SH3BGR: variants seen among roughly 807,000 people sequenced by gnomAD.
SH3BGR encodes the protein SH3 domain binding glutamate rich protein, also known as SH3 domain-binding glutamic acid-rich protein.
A neutral mutation model predicts 24.5 loss-of-function variants in SH3BGR; 29 were observed. That is an observed-to-expected ratio of 1.18 (90% confidence interval 0.88 to 1.61). The LOEUF is 1.61. Among genes scored for constraint, SH3BGR ranks in the 40% most tolerant of loss-of-function variants. SH3BGR has a pLI of 0.00. For synonymous variants in SH3BGR, 55 were observed against 65.7 expected, an observed-to-expected ratio of 0.84 and a Z score of 0.79; for missense variants, 162 against 205.8, an observed-to-expected ratio of 0.79 and a Z score of 1.30.
At chr21:39,498,510 A>G (rs1238395885) in intron 3 of SH3BGR, among the ~76,000 whole-genome samples, 1 of 152,210 alleles carries the variant, frequency 6.6e-6, no homozygotes, top group East Asian at 1.9e-4. Context: ...AGTGAAGATT[A>G]AGGATGAAGA....
At chr21:39,468,730 T>C (rs781709408) in intron 2 of SH3BGR, among the ~76,000 whole-genome samples, 4 of 152,226 alleles carry the variant, frequency 2.6e-5, no homozygotes, top group Non-Finnish European at 4.4e-5. Context: ...TGAATCACTA[T>C]GCCTAGACCT....
rs148346602 is a variant in SH3BGR at position 39,514,492 on chromosome 21, G to A, written c.*35-596G>A. Among the ~76,000 whole-genome samples the A allele has an allele frequency of 1.2e-3, 187 of 152,138 alleles. 2 individuals are homozygous for A. Among genetic ancestry groups the A allele is most frequent in the African/African-American group, 4.0e-3 (165 of 41,508 alleles). ...TCCTCCCACCTCAGCTTCTTGAGTC[G>A]CTGGGATTACAGGCACGCACTACTA... On this transcript the variant is annotated intron_variant, in intron 6 of 6. Transcript: ENST00000333634.
At chr21:39,491,831 C>T (rs995120496) in intron 3 of SH3BGR, 7 of 181,780 alleles carry the variant, frequency 3.9e-5, no homozygotes, top group East Asian at 2.6e-4. Flanking sequence ...ATAGTTCGTG[C>T]AGCAAATAGG....
At chr21:39,477,120 T>G (rs1164076609) in intron 3 of SH3BGR, among the ~76,000 whole-genome samples, 1 of 152,192 alleles carries the variant, frequency 6.6e-6, no homozygotes, top group Non-Finnish European at 1.5e-5. Flanking sequence ...CATTTAAAAC[T>G]TTTGTCTGAT....
upstream of SH3BGR, among the ~76,000 whole-genome samples, chr21:39,450,429 G>C (rs1308237696): frequency 6.6e-6 from 1 of 152,174 alleles, no homozygotes; most frequent in African/African-American, 2.4e-5. Context: ...CCGGGGACTG[G>C]GATGTCTTTT....
At chr21:39,509,259 C>G (rs577650140) in intron 5 of SH3BGR, among the ~76,000 whole-genome samples, 1 of 152,146 alleles carries the variant, frequency 6.6e-6, no homozygotes, top group Non-Finnish European at 1.5e-5. Flanking sequence ...TTCGGAGCCC[C>G]CTCAGGTGAA....
intron 1 of SH3BGR, among the ~76,000 whole-genome samples, chr21:39,454,104 T>C (rs562279494): frequency 1.3e-5 from 2 of 152,310 alleles, no homozygotes; most frequent in African/African-American, 2.4e-5. Flanking sequence ...ATTTCTGCCT[T>C]AGCCGTAAGA....
chr21:39,513,307 G>T (rs2078729083), intron 6 of SH3BGR, among the ~76,000 whole-genome samples: 1 of 152,152 alleles, frequency 6.6e-6, no homozygotes, highest in South Asian at 2.1e-4. Context: ...GTGGATAGAA[G>T]GGTTTATTTG....
At chr21:39,451,804 T>TA (rs2077578271), upstream of SH3BGR, 11 of 1,314,718 alleles carry the variant, frequency 8.4e-6, no homozygotes, top group Non-Finnish European at 1.2e-5. Context: ...GTCGCGCGTT[T>TA]AAAGTGATAG....
chr21:39,461,135 A>ATT lies in SH3BGR; in HGVS notation c.46-1221_46-1220dup, dbSNP rs56088801. Among the ~76,000 whole-genome samples the ATT allele has an allele frequency of 1.6e-3, 205 of 127,010 alleles. 2 individuals are homozygous for ATT. The highest frequency in any genetic ancestry group is 5.4e-3 in the African/African-American group (177 of 33,040). 83.3% of individuals were successfully genotyped at this position (127,010 alleles called of 152,430 possible). A position where few individuals can be genotyped will look rare whatever the true frequency, so the allele number is the denominator to read the frequency against. ...CATTACAACTCATCTAGTTTTGTAGATTTTTTTTTTTTTTTTTTTTGCGAC... is the reference window on the plus strand; with the variant it reads ...CATTACAACTCATCTAGTTTTGTAGATTTTTTTTTTTTTTTTTTTTTTGCGAC... On this transcript the variant is annotated intron_variant, in intron 1 of 6. Transcript: ENST00000333634.
Position 39,515,233 on chromosome 21 carries a change from A to G in SH3BGR, c.*180A>G, listed in dbSNP as rs1336507832. On this transcript the variant is annotated 3_prime_UTR_variant, in exon 7 of 7. Coordinates refer to ENST00000333634, the MANE Select transcript of SH3BGR (RefSeq NM_007341.3). Reference sequence around the variant, plus strand: ...AGATGTACATGGAGGTATCTCCCGAATCATACAAAATTAAATGTGAAGACC... The same window carrying G: ...AGATGTACATGGAGGTATCTCCCGAGTCATACAAAATTAAATGTGAAGACC... 1 of 400,960 alleles carries G rather than the reference A, an allele frequency of 2.5e-6. No homozygotes were observed. Among genetic ancestry groups the G allele is most frequent in the African/African-American group, 2.1e-5 (1 of 47,644 alleles). 24.8% of individuals were successfully genotyped at this position (400,960 alleles called of 1,614,324 possible). A position where few individuals can be genotyped will look rare whatever the true frequency, so the allele number is the denominator to read the frequency against.
chr21:39,500,456 A>G (rs1057089953), intron 4 of SH3BGR, among the ~76,000 whole-genome samples: 10 of 152,120 alleles, frequency 6.6e-5, no homozygotes, highest in Admixed American at 5.9e-4. Flanking sequence ...AGGGGTTCCC[A>G]TGCAGTAGCA....
At position 39,511,792 on chromosome 21, in the gene SH3BGR, T is replaced by C. The variant is rs772211777; in HGVS notation, c.*17T>C. Reference sequence around the variant, plus strand: ...GATTCCTAGGCCTTTTCATGCTTCATTTCTTCCACTTCTCCAGGTAGCTAC... The same window carrying C: ...GATTCCTAGGCCTTTTCATGCTTCACTTCTTCCACTTCTCCAGGTAGCTAC... On this transcript the variant is annotated 3_prime_UTR_variant, in exon 6 of 7. Coordinates refer to ENST00000333634, the MANE Select transcript of SH3BGR (RefSeq NM_007341.3). The surrounding 1 kb of genome is among the most constrained non-coding windows in gnomAD (Gnocchi z 4.2). The C allele has an allele frequency of 6.2e-7, 1 of 1,607,850 alleles. No homozygotes were observed. The highest frequency in any genetic ancestry group is 8.5e-7 in the Non-Finnish European group (1 of 1,178,128).
At chr21:39,484,822 A>G (rs559935989) in intron 3 of SH3BGR, among the ~76,000 whole-genome samples, 5 of 152,350 alleles carry the variant, frequency 3.3e-5, no homozygotes, top group Admixed American at 2.6e-4. Flanking sequence ...GCGCAGGGAC[A>G]GAGTACTTCC....
Position 39,515,125 on chromosome 21 carries a change from C to T in SH3BGR, c.*72C>T. The T allele has an allele frequency of 2.1e-6, 1 of 470,748 alleles. No individual in the cohort carries two copies. Among genetic ancestry groups the T allele is most frequent in the Non-Finnish European group, 4.4e-6 (1 of 226,810 alleles). The allele number at this position is 470,748 out of a possible 1,614,324, so 29.2% of individuals were successfully genotyped here. ...ATGAAGCAACATTTCAAATGTCTCT[C>T]CACAAACCAAACTCAACAGAATACT... is the stretch of plus-strand genomic sequence containing the variant. On this transcript the variant is annotated 3_prime_UTR_variant, in exon 7 of 7. Transcript: ENST00000333634.
chr21:39,505,417 T>G (rs1190672188), intron 4 of SH3BGR, among the ~76,000 whole-genome samples: 1 of 152,188 alleles, frequency 6.6e-6, no homozygotes, highest in Admixed American at 6.5e-5. Flanking sequence ...AGCAATCACT[T>G]TCCCTGCTAA....
At chr21:39,468,112 A>G (rs185461668) in intron 2 of SH3BGR, among the ~76,000 whole-genome samples, 1 of 152,342 alleles carries the variant, frequency 6.6e-6, no homozygotes, top group African/African-American at 2.4e-5. Context: ...AAGAAGACCT[A>G]GATCGTTCAG....
At chr21:39,508,486 C>A (rs2078622149) in intron 4 of SH3BGR, among the ~76,000 whole-genome samples, 1 of 152,178 alleles carries the variant, frequency 6.6e-6, no homozygotes, top group Admixed American at 6.5e-5. Context: ...ACCCAGAAAT[C>A]AGTATTTAAA....
Position 39,511,572 on chromosome 21 carries a change from T to C in SH3BGR, c.436-108T>C. The C allele has an allele frequency of 1.0e-6, 1 of 954,546 alleles. No homozygotes were observed. The allele number at this position is 954,546 out of a possible 1,614,324, so 59.1% of individuals were successfully genotyped here. On this transcript the variant is annotated intron_variant, in intron 5 of 6. Coordinates refer to ENST00000333634, the MANE Select transcript of SH3BGR (RefSeq NM_007341.3). The surrounding 1 kb of genome is among the most constrained non-coding windows in gnomAD (Gnocchi z 4.2). ...GTGTGTTTGTTTGTGTGTTGTGTGG[T>C]GGGGTGTGGGAGGCTTTGACCTCTA... is the stretch of plus-strand genomic sequence containing the variant.
Sources: allele counts gnomAD v4.1 joint callset (sites outside exome capture counted in the v4.1 genomes callset), GRCh38; gene constraint gnomAD v4.1.1; non-coding constraint Gnocchi (gnomAD v3.1); transcripts MANE v1.5; gene names NCBI Gene and HGNC (gene_info 2026-07-23, HGNC 2026-07-21).